LRRC36: variants seen among roughly 807,000 people sequenced by gnomAD.
LRRC36 encodes leucine-rich repeat-containing protein 36.
LRRC36 carries 62 observed loss-of-function variants against 81.1 expected under a neutral mutation model. The ratio of observed to expected loss-of-function variants is 0.76; its 90% CI spans 0.62 to 0.94. LRRC36 has a LOEUF of 0.94. Among genes scored for constraint, LRRC36 ranks in the 40% least tolerant of loss-of-function variants. LRRC36 has a pLI of 0.00. For synonymous variants in LRRC36, 334 were observed against 348.6 expected (o/e 0.96, Z 0.47); for missense variants, 761 against 881.7 (o/e 0.86, Z 1.73).
intron 1 of LRRC36, among the ~76,000 whole-genome samples, chr16:67,341,508 G>A (rs1284020117): frequency 3.3e-5 from 5 of 151,680 alleles, no homozygotes; most frequent in Non-Finnish European, 1.5e-5. Flanking sequence ...TATTTAGGCT[G>A]TCTGGCTCTA....
At chr16:67,375,139 A>G (rs545937024) in intron 9 of LRRC36, 108 bp from the exon 10 acceptor site, 3 of 449,898 alleles carry the variant, frequency 6.7e-6, no homozygotes, top group Non-Finnish European at 9.9e-6. Flanking sequence ...AAAAAAAATT[A>G]AAAAAAAAAA....
chr16:67,350,332 G>A (rs1289116528), intron 5 of LRRC36, 42 bp downstream of exon 5: 3 of 1,477,016 alleles, frequency 2.0e-6, no homozygotes, highest in Non-Finnish European at 2.8e-6. Flanking sequence ...TAAAACATCA[G>A]TTATCTCAGC....
intron 1 of LRRC36, among the ~76,000 whole-genome samples, chr16:67,329,645 C>T (rs1421876353): frequency 6.6e-6 from 1 of 152,096 alleles, no homozygotes; most frequent in Admixed American, 6.5e-5. Context: ...TGGCCGGGTG[C>T]GTTGGCTCAT....
At chr16:67,362,073 C>G in intron 5 of LRRC36, 1 of 345,584 alleles carries the variant, frequency 2.9e-6, no homozygotes, top group Non-Finnish European at 5.8e-6. Flanking sequence ...TCTATTAAAA[C>G]TTTTTTTTAA....
At chr16:67,362,152 C>CGTTTTGTTTT in intron 5 of LRRC36, 1 of 451,576 alleles carries the variant, frequency 2.2e-6, no homozygotes, top group Non-Finnish European at 4.4e-6. Context: ...TGTTCTAATA[C>CGTTTTGTTTT]GTTTTGTTTT....
chr16:67,360,395 G>A (rs1257642406), intron 5 of LRRC36, among the ~76,000 whole-genome samples: 1 of 152,130 alleles, frequency 6.6e-6, no homozygotes, highest in African/African-American at 2.4e-5. Flanking sequence ...TATGTGCTGT[G>A]GGAGGAAAAA....
chr16:67,327,998 G>T (rs2037282643), intron 1 of LRRC36, among the ~76,000 whole-genome samples: 1 of 152,090 alleles, frequency 6.6e-6, no homozygotes, highest in Non-Finnish European at 1.5e-5. Context: ...AAGAGACAGT[G>T]AAAGTAAGAA....
At chr16:67,329,944 A>G (rs972586083) in intron 1 of LRRC36, among the ~76,000 whole-genome samples, 1 of 152,158 alleles carries the variant, frequency 6.6e-6, no homozygotes, top group Non-Finnish European at 1.5e-5. Flanking sequence ...AAGAATCCGT[A>G]TATGGTCCAT....
chr16:67,355,531 C>T (rs1282961485), intron 5 of LRRC36, among the ~76,000 whole-genome samples: 1 of 151,380 alleles, frequency 6.6e-6, no homozygotes, highest in Non-Finnish European at 1.5e-5. Context: ...CCCGCCACTA[C>T]GCCCGGCTAA....
chr16:67,376,915 G>A (rs746872957), intron 11 of LRRC36, 43 bp downstream of exon 11: 27 of 1,563,258 alleles, frequency 1.7e-5, no homozygotes, highest in Non-Finnish European at 2.4e-5. Context: ...CAGAGCAGCA[G>A]AACTACAACA....
In LRRC36 at chr16:67,350,243, G is replaced by C; in HGVS notation, c.530G>C (p.Ser177Thr). The change falls in exon 5 of 14, where the codon AGC (serine) becomes ACC (threonine). Residue 177 changes from serine to threonine, a missense_variant. This residue lies in a region of LRRC36 where 263 missense variants were observed against 279.3 expected (regional missense o/e 0.94). Transcript: ENST00000329956. ...KTMKNCVTGESSASKVSANVD... is the reference protein window; with the variant it reads ...KTMKNCVTGETSASKVSANVD... Reference sequence around the variant, plus strand: ...ATGAAAAACTGTGTAACAGGTGAGAGCTCTGCATCAAAAGTCAGTGCTAAT... The same window carrying C: ...ATGAAAAACTGTGTAACAGGTGAGACCTCTGCATCAAAAGTCAGTGCTAAT... 1 of 1,613,478 alleles carries C rather than the reference G, an allele frequency of 6.2e-7. No individual in the cohort carries two copies. The highest frequency in any genetic ancestry group is 8.5e-7 in the Non-Finnish European group (1 of 1,179,838).
chr16:67,354,144 C>T (rs1285090953), intron 5 of LRRC36, among the ~76,000 whole-genome samples: 1 of 152,104 alleles, frequency 6.6e-6, no homozygotes, highest in African/African-American at 2.4e-5. Flanking sequence ...TCAAACCACT[C>T]CTTCCTCCCC....
At position 67,346,349 on chromosome 16, in the gene LRRC36, T is replaced by C. The variant is rs1456358111; in HGVS notation, c.292T>C (p.Phe98Leu). The C allele has an allele frequency of 6.2e-7, 1 of 1,612,712 alleles. No homozygotes were observed. Among genetic ancestry groups the C allele is most frequent in the Non-Finnish European group, 8.5e-7 (1 of 1,178,806 alleles). ...VEVSRLQPLPFLKELDLRLNP... is the reference protein window; with the variant it reads ...VEVSRLQPLPLLKELDLRLNP... Reference sequence around the variant, plus strand: ...AGTGTCCCGTCTACAACCGTTACCCTTCCTCAAAGAACTGGATTTGAGACT... The same window carrying C: ...AGTGTCCCGTCTACAACCGTTACCCCTCCTCAAAGAACTGGATTTGAGACT... Residue 98 changes from phenylalanine (F) to leucine (L), a missense_variant, in exon 3 of 14, where the codon TTC (phenylalanine) becomes CTC (leucine). Phe to Leu is a conservative substitution (Grantham distance 22). Around this residue, in one of 3 missense-constraint regions of LRRC36, gnomAD observed 263 missense variants for 279.3 expected, o/e 0.94. Coordinates refer to ENST00000329956, the MANE Select transcript of LRRC36 (RefSeq NM_018296.6).
intron 4 of LRRC36, among the ~76,000 whole-genome samples, chr16:67,348,793 G>T (rs529700644): frequency 1.3e-5 from 2 of 152,170 alleles, no homozygotes; most frequent in Non-Finnish European, 2.9e-5. Flanking sequence ...TATCCCAGTT[G>T]CTAGAACCGT....
chr16:67,343,435 G>T (rs760632198), intron 2 of LRRC36, among the ~76,000 whole-genome samples: 2 of 152,052 alleles, frequency 1.3e-5, no homozygotes, highest in Non-Finnish European at 2.9e-5. Flanking sequence ...GGTGGCTCAT[G>T]CCTGTAATCT....
chr16:67,351,359 T>C (rs1212368326), intron 5 of LRRC36, among the ~76,000 whole-genome samples: 1 of 152,182 alleles, frequency 6.6e-6, no homozygotes, highest in African/African-American at 2.4e-5. Context: ...TGTATTTTAT[T>C]TTCTTGATTT....
At chr16:67,373,907 G>T (rs1006882325) in intron 9 of LRRC36, among the ~76,000 whole-genome samples, 1 of 152,084 alleles carries the variant, frequency 6.6e-6, no homozygotes, top group Non-Finnish European at 1.5e-5. Flanking sequence ...AGCTACTTGG[G>T]TTGACTGAGT....
At chr16:67,344,767 C>A (rs2038264112) in intron 2 of LRRC36, among the ~76,000 whole-genome samples, 1 of 151,996 alleles carries the variant, frequency 6.6e-6, no homozygotes, top group Non-Finnish European at 1.5e-5. Context: ...ACAAAAAAAA[C>A]AAATACAAAA....
chr16:67,371,095 A>ACTG lies in LRRC36; in HGVS notation c.1351_1353dup (p.Leu452dup), dbSNP rs1374362840. 1 of 1,614,224 alleles carries ACTG rather than the reference A, an allele frequency of 6.2e-7. No individual in the cohort carries two copies. Among genetic ancestry groups the ACTG allele is most frequent in the African/African-American group, 1.3e-5 (1 of 75,064 alleles). On this transcript the variant is annotated inframe_insertion, in exon 9 of 14. Coordinates refer to ENST00000329956, the MANE Select transcript of LRRC36 (RefSeq NM_018296.6). Reference sequence around the variant, plus strand: ...GAAACAGGACAACTCCTCTGCGGACACTGCTGTTGTCTCCTGGGACTTCAG... The same window carrying ACTG: ...GAAACAGGACAACTCCTCTGCGGACACTGCTGCTGTTGTCTCCTGGGACTTCAG...
Sources: allele counts gnomAD v4.1 joint callset (sites outside exome capture counted in the v4.1 genomes callset), GRCh38; gene constraint gnomAD v4.1.1; regional missense constraint gnomAD v4.1.1; transcripts MANE v1.5; gene names NCBI Gene and HGNC (gene_info 2026-07-23, HGNC 2026-07-21).